ABCB4: variants seen among roughly 807,000 people sequenced by gnomAD.
ABCB4 encodes the protein ATP binding cassette subfamily B member 4, also known as phosphatidylcholine translocator ABCB4.
In ABCB4, 76 loss-of-function variants were observed where a neutral mutation model predicts 145.7. The observed-to-expected ratio is 0.52, with a 90% CI of 0.43 to 0.63. The LOEUF (loss-of-function observed/expected upper bound fraction) is 0.63. Ranked by LOEUF, ABCB4 falls within the 30% of genes least tolerant of loss-of-function variation. ABCB4 has a pLI of 0.00. For synonymous variants in ABCB4, 517 were observed against 566.8 expected (o/e 0.91, Z 1.25); for missense variants, 1,234 against 1,553.1 (o/e 0.79, Z 3.45).
chr7:87,458,369 A>T (rs1427971212), intron 4 of ABCB4, among the ~76,000 whole-genome samples: 2 of 152,234 alleles, frequency 1.3e-5, no homozygotes, highest in Non-Finnish European at 2.9e-5. Flanking sequence ...GTTGACAAGG[A>T]CGAGCTTTGC....
chr7:87,466,908 G>A (rs543518505), intron 3 of ABCB4, among the ~76,000 whole-genome samples: 9 of 152,250 alleles, frequency 5.9e-5, no homozygotes, highest in Non-Finnish European at 1.0e-4. Context: ...AGCACTAAAC[G>A]TGGAAAGGAA....
chr7:87,426,835 G>C lies in ABCB4; in HGVS notation c.1979C>G (p.Ser660Cys). 6.2e-7 allele frequency: 1 copy of C among 1,613,948 alleles called. No homozygotes were observed. Among genetic ancestry groups the C allele is most frequent in the East Asian group, 2.2e-5 (1 of 44,856 alleles). ...CTGAGTAGAATGCCTAAATAGGCGA[G>C]ATTTCCAGCCATTTGGGGCCATTCT... ...ATRMAPNGWK[S>C]RLFRHSTQKN... Residue 660 changes from serine to cysteine, a missense_variant, in exon 16 of 28, where the codon TCT becomes TGT. Ser to Cys is a moderately radical substitution (Grantham distance 112). Around this residue, in one of 7 missense-constraint regions of ABCB4, gnomAD observed 321 missense variants for 332.6 expected, o/e 0.97. Coordinates refer to ENST00000649586, the MANE Select transcript of ABCB4 (RefSeq NM_000443.4).
At chr7:87,473,866 G>A (rs1012798751) in intron 2 of ABCB4, among the ~76,000 whole-genome samples, 3 of 152,086 alleles carry the variant, frequency 2.0e-5, no homozygotes, top group East Asian at 1.9e-4. Flanking sequence ...TAAAATCACT[G>A]GACAAACATC....
intron 3 of ABCB4, among the ~76,000 whole-genome samples, chr7:87,470,316 G>C (rs994672659): frequency 2.6e-5 from 4 of 152,080 alleles, no homozygotes; most frequent in Non-Finnish European, 5.9e-5. Context: ...TGGTCAAGGA[G>C]TTCATGTCTA....
chr7:87,435,409 A>C (rs1810543938), intron 14 of ABCB4, among the ~76,000 whole-genome samples: 2 of 152,186 alleles, frequency 1.3e-5, no homozygotes, highest in African/African-American at 4.8e-5. Flanking sequence ...AGGCCCTGTA[A>C]CTTGTTTTGA....
At chr7:87,393,570 G>A in the ABCB4 span, among the ~76,000 whole-genome samples, 74 of 152,186 alleles carry the variant, frequency 4.9e-4, no homozygotes, top group Non-Finnish European at 7.9e-4. Context: ...TCAAAACCTG[G>A]TATAAAAAAG....
chr7:87,371,212 C>T, the ABCB4 span, among the ~76,000 whole-genome samples: 5 of 152,164 alleles, frequency 3.3e-5, no homozygotes, highest in South Asian at 2.1e-4. Context: ...TTGACTTTTA[C>T]GTTTGTATTT....
chr7:87,450,423 T>C (rs574315900), intron 7 of ABCB4, among the ~76,000 whole-genome samples: 3 of 152,276 alleles, frequency 2.0e-5, no homozygotes, highest in African/African-American at 7.2e-5. Flanking sequence ...AATAAAACTT[T>C]ACTGCTTTGA....
At chr7:87,366,382 A>G in the ABCB4 span, among the ~76,000 whole-genome samples, 331 of 151,990 alleles carry the variant, frequency 2.2e-3, 1 homozygote, top group Non-Finnish European at 3.4e-3. Context: ...TTCAGGTTAT[A>G]TCACCACTAC....
the ABCB4 span, chr7:87,375,984 T>C: frequency 4.3e-6 from 6 of 1,380,678 alleles, no homozygotes; most frequent in Non-Finnish European, 4.9e-6. Flanking sequence ...TTTTTTTTTA[T>C]TGCAGATTTT....
intron 13 of ABCB4, 140 bp from the exon 14 acceptor site, chr7:87,439,977 T>G: frequency 7.7e-7 from 1 of 1,299,130 alleles, no homozygotes; most frequent in Non-Finnish European, 1.1e-6. Context: ...GATAAATGAA[T>G]TCTGAATTAT....
chr7:87,386,744 G>A, the ABCB4 span, among the ~76,000 whole-genome samples: 5 of 152,228 alleles, frequency 3.3e-5, no homozygotes, highest in South Asian at 2.1e-4. Context: ...TTCCTACACC[G>A]TAACACTGCT....
At chr7:87,457,043 C>T (rs1312419556) in intron 4 of ABCB4, among the ~76,000 whole-genome samples, 2 of 152,110 alleles carry the variant, frequency 1.3e-5, no homozygotes, top group African/African-American at 2.4e-5. Flanking sequence ...ACATGGGGAG[C>T]TTAAGAATTA....
At chr7:87,432,163 T>C (rs1428425529) in intron 14 of ABCB4, among the ~76,000 whole-genome samples, 4 of 152,216 alleles carry the variant, frequency 2.6e-5, no homozygotes, top group African/African-American at 7.2e-5. Context: ...TTTTTATGCA[T>C]GCTAAAATCT....
intron 3 of ABCB4, among the ~76,000 whole-genome samples, chr7:87,465,837 G>A (rs28802321): frequency 0.019 from 2,899 of 152,298 alleles, 85 homozygotes; most frequent in African/African-American, 0.066. Flanking sequence ...GCGGCTGAGG[G>A]TCCTGACTGT....
rs780152646 is a variant in ABCB4 at position 87,447,042 on chromosome 7, C to T, written c.997G>A (p.Ala333Thr). 61 of 1,612,594 alleles carry T rather than the reference C, an allele frequency of 3.8e-5. No individual in the cohort carries two copies. Among genetic ancestry groups the T allele is most frequent in the Non-Finnish European group, 5.0e-5 (59 of 1,178,890 alleles). Residue 333 changes from alanine to threonine, a missense_variant, in exon 9 of 28, where the codon GCA (alanine) becomes ACA (threonine). This residue lies in a region of ABCB4 where 467 missense variants were observed against 632.8 expected (regional missense o/e 0.74). Coordinates refer to ENST00000649586, the MANE Select transcript of ABCB4 (RefSeq NM_000443.4). Reference sequence around the variant, plus strand: ...TTAGGAGAACTACTTACTGTCATTGCATTTCCAATAGTATATTCTTTTGAT... The same window carrying T: ...TTAGGAGAACTACTTACTGTCATTGTATTTCCAATAGTATATTCTTTTGAT... ...VISKEYTIGN[A>T]MTVFFSILIG...
intron 24 of ABCB4, 116 bp from the exon 25 acceptor site, chr7:87,408,350 T>A: frequency 9.1e-7 from 1 of 1,094,366 alleles, no homozygotes; most frequent in Non-Finnish European, 1.3e-6. Context: ...AAATTCATAT[T>A]TGGTATAGTT....
intron 14 of ABCB4, among the ~76,000 whole-genome samples, chr7:87,438,147 CTT>C (rs1377366821): frequency 6.6e-6 from 1 of 152,100 alleles, no homozygotes; most frequent in African/African-American, 2.4e-5. Context: ...GAATAGGACT[CTT>C]TTTTGTTTTT....
Position 87,447,034 on chromosome 7 carries a change from T to C in ABCB4, c.1005A>G (p.Thr335=). The stretch of plus-strand genomic sequence containing the variant: ...CATAAATGTTAGGAGAACTACTTAC[T>C]GTCATTGCATTTCCAATAGTATATT... ...SKEYTIGNAM[T]VFFSILIGAF... Residue 335 remains threonine, a splice_region_variant and synonymous_variant, in exon 9 of 28, where the codon ACA becomes ACG. Transcript: ENST00000649586. The C allele has an allele frequency of 6.2e-7, 1 of 1,611,386 alleles. No homozygotes were observed. Among genetic ancestry groups the C allele is most frequent in the Middle Eastern group, 1.7e-4 (1 of 6,048 alleles).
Sources: allele counts gnomAD v4.1 joint callset (sites outside exome capture counted in the v4.1 genomes callset), GRCh38; gene constraint gnomAD v4.1.1; regional missense constraint gnomAD v4.1.1; transcripts MANE v1.5; gene names NCBI Gene and HGNC (gene_info 2026-07-23, HGNC 2026-07-21).